The following MCM3 variants were observed in gnomAD, a reference collection of about 807,000 sequenced individuals.
MCM3 encodes the protein DNA replication licensing factor MCM3.
A neutral mutation model predicts 91.3 loss-of-function variants in MCM3; 59 were observed. That is an observed-to-expected ratio of 0.65 (90% CI 0.52 to 0.80). MCM3 has a LOEUF of 0.80. MCM3 is among the 30% of genes least tolerant of loss of function. The pLI, the probability that MCM3 is intolerant of heterozygous loss-of-function variation, is 0.00. For synonymous variants in MCM3, 383 were observed against 379.6 expected (o/e 1.01, Z -0.10); for missense variants, 919 against 1,035.4 (o/e 0.89, Z 1.54).
intron 1 of MCM3, among the ~76,000 whole-genome samples, chr6:52,283,722 T>C (rs534164494): frequency 6.6e-6 from 1 of 152,356 alleles, no homozygotes; most frequent in Non-Finnish European, 1.5e-5. Flanking sequence ...GAAGTCTAAA[T>C]GGACAGTAAG....
Position 52,267,975 on chromosome 6 carries a change from C to G in MCM3, c.1969-7G>C. On this transcript the variant is annotated splice_polypyrimidine_tract_variant and splice_region_variant and intron_variant, in intron 13 of 16. Coordinates refer to ENST00000596288, the MANE Select transcript of MCM3 (RefSeq NM_002388.6). ...TCTTCTCCTTCTCCAGAACCTAAGA[C>G]CAAGGCAAGTGTGGCTGGGCTAGAG... 6.2e-7 allele frequency: 1 copy of G among 1,614,038 alleles called. No homozygotes were observed. Among genetic ancestry groups the G allele is most frequent in the Non-Finnish European group, 8.5e-7 (1 of 1,179,946 alleles).
At position 52,272,432 on chromosome 6, in the gene MCM3, C is replaced by T; in HGVS notation, c.1696G>A (p.Ala566Thr). The T allele has an allele frequency of 6.2e-7, 1 of 1,614,152 alleles. No homozygotes were observed. Among genetic ancestry groups the T allele is most frequent in the African/African-American group, 1.3e-5 (1 of 75,050 alleles). The change falls in exon 12 of 17, where the codon GCA becomes ACA. Residue 566 changes from alanine (A) to threonine (T), a missense_variant. By Grantham distance (58) the Ala-to-Thr change is moderately conservative (BLOSUM62 0). Coordinates refer to ENST00000596288, the MANE Select transcript of MCM3 (RefSeq NM_002388.6). ...KKKKEKMVSA[A>T]FMKKYIHVAK... ...ACATGGATGTACTTCTTCATGAATG[C>T]TGCACTCACCATCTTCTCCCTGGAG...
chr6:52,266,721 G>C (rs371978850), intron 14 of MCM3, 25 bp from the exon 15 acceptor site: 2 of 1,588,470 alleles, frequency 1.3e-6, no homozygotes, highest in African/African-American at 2.7e-5. Context: ...GCAGTTAAGA[G>C]AGAGAAAGAG....
At position 52,282,041 on chromosome 6, in the gene MCM3, T is replaced by C. The variant is rs1043567924; in HGVS notation, c.531+4A>G. 2.5e-6 allele frequency: 4 copies of C among 1,613,854 alleles called. No individual in the cohort carries two copies. The African/African-American group carries it at 5.3e-5, about 22-fold the overall frequency. On this transcript the variant is annotated splice_donor_region_variant and intron_variant, in intron 4 of 16. Transcript: ENST00000596288. ...AGACAGCTCAACTGATTTATCCCCCTTACCTTGGTAGGATAGACAGAGCTG... is the reference window on the plus strand; with the variant it reads ...AGACAGCTCAACTGATTTATCCCCCCTACCTTGGTAGGATAGACAGAGCTG...
At chr6:52,277,822 A>C in intron 6 of MCM3, 134 bp from the exon 7 acceptor site, 1 of 703,420 alleles carries the variant, frequency 1.4e-6, no homozygotes, top group Non-Finnish European at 2.3e-6. Flanking sequence ...TAATCCTAGC[A>C]CTTTGGGAGG....
intron 12 of MCM3, among the ~76,000 whole-genome samples, chr6:52,269,873 G>GA (rs1764953035): frequency 6.6e-6 from 1 of 152,200 alleles, no homozygotes; most frequent in Non-Finnish European, 1.5e-5. Context: ...GGAAATGAAT[G>GA]AATCAGAAAT....
rs1483238794 is a variant in MCM3 at position 52,264,188 on chromosome 6, C to G, written c.*400G>C. ...CTCCACCAATTGGAACCACCCAAAGCCTAGTCTAGACCAAAGTGCTCTGGA... is the reference window on the plus strand; with the variant it reads ...CTCCACCAATTGGAACCACCCAAAGGCTAGTCTAGACCAAAGTGCTCTGGA... On this transcript the variant is annotated 3_prime_UTR_variant, in exon 17 of 17. Transcript: ENST00000596288. 4.8e-6 allele frequency: 1 copy of G among 208,742 alleles called. No homozygotes were observed. The highest frequency in any genetic ancestry group is 9.8e-6 in the Non-Finnish European group (1 of 101,528). The allele number at this position is 208,742 out of a possible 1,614,324, so 12.9% of individuals were successfully genotyped here. A position where few individuals can be genotyped will look rare whatever the true frequency, so the allele number is the denominator to read the frequency against.
At chr6:52,265,311 G>A (rs1205796780) in intron 16 of MCM3, 1 of 433,298 alleles carries the variant, frequency 2.3e-6, no homozygotes, top group Non-Finnish European at 4.6e-6. Flanking sequence ...CCAGCCTTTT[G>A]GGAGGCTCAG....
Position 52,273,323 on chromosome 6 carries a change from G to C in MCM3, c.1583C>G (p.Ala528Gly), listed in dbSNP as rs768135843. 1.9e-6 allele frequency: 3 copies of C among 1,614,044 alleles called. No individual in the cohort carries two copies. The African/African-American group carries it at 4.0e-5, about 22-fold the overall frequency. Residue 528 changes from alanine to glycine, a missense_variant, in exon 11 of 17, where the codon GCC (alanine) becomes GGC (glycine). Ala to Gly is a moderately conservative substitution (Grantham distance 60, BLOSUM62 0). Around this residue, in one of 3 missense-constraint regions of MCM3, gnomAD observed 233 missense variants for 321.2 expected, o/e 0.73. Coordinates refer to ENST00000596288, the MANE Select transcript of MCM3 (RefSeq NM_002388.6). ...MPLGSAVDIL[A>G]TDDPNFSQED... ...CTGGCTAAAGTTGGGATCATCTGTG[G>C]CCAGGATATCCACAGCACTACCCAA...
intron 5 of MCM3, 86 bp downstream of exon 5, chr6:52,279,275 C>T (rs568685403): frequency 2.3e-5 from 27 of 1,190,300 alleles, no homozygotes; most frequent in Non-Finnish European, 3.3e-5. Flanking sequence ...ATATAACTCT[C>T]TGGAATATGG....
At position 52,269,237 on chromosome 6, in the gene MCM3, A is replaced by C; in HGVS notation, c.1828-11T>G. 10 of 1,603,078 alleles carry C rather than the reference A, an allele frequency of 6.2e-6. No individual in the cohort carries two copies. Among genetic ancestry groups the C allele is most frequent in the Non-Finnish European group, 8.5e-6 (10 of 1,171,148 alleles). On this transcript the variant is annotated splice_polypyrimidine_tract_variant and intron_variant, in intron 12 of 16. Transcript: ENST00000596288. ...TGTAACTGGAGATGTCTAGGGAAGA[A>C]AAGGGAGGATTGCTTATCCCAAGTC...
Position 52,269,218 on chromosome 6 carries a change from T to C in MCM3, c.1836A>G (p.Pro612=). The C allele has an allele frequency of 6.2e-7, 1 of 1,610,276 alleles. No individual in the cohort carries two copies. Among genetic ancestry groups the C allele is most frequent in the East Asian group, 2.2e-5 (1 of 44,754 alleles). The change falls in exon 13 of 17, where the codon CCA becomes CCG. Residue 612 remains proline (P), a synonymous_variant. Coordinates refer to ENST00000596288, the MANE Select transcript of MCM3 (RefSeq NM_002388.6). ...SMSSDTARTS[P]VTARTLETLI... ...GAGTTTCCAGTGTTCGGGCTGTAAC[T>C]GGAGATGTCTAGGGAAGAAAAGGGA... is the stretch of plus-strand genomic sequence containing the variant.
At chr6:52,273,698 T>G (rs757498334) in intron 10 of MCM3, 44 bp downstream of exon 10, 1 of 1,564,238 alleles carries the variant, frequency 6.4e-7, no homozygotes. Flanking sequence ...ACCATCTGTT[T>G]AGCGCCTTTC....
At chr6:52,266,288 G>A (rs1764636972) in intron 15 of MCM3, 144 bp from the exon 16 acceptor site, 1 of 683,026 alleles carries the variant, frequency 1.5e-6, no homozygotes, top group Admixed American at 2.5e-5. Flanking sequence ...ATGGGGCCAG[G>A]CAGAACAATT....
rs1765644200 is a variant in MCM3 at position 52,277,145 on chromosome 6, G to A, written c.1087C>T (p.Pro363Ser). Residue 363 changes from proline (P) to serine (S), a missense_variant, in exon 8 of 17, where the codon CCC (proline) becomes TCC (serine). Around this residue, in one of 3 missense-constraint regions of MCM3, gnomAD observed 233 missense variants for 321.2 expected, o/e 0.73. Transcript: ENST00000596288. Reference protein sequence around the residue: ...QLLRYVLCTAPRAIPTTGRGS... With the variant: ...QLLRYVLCTASRAIPTTGRGS... ...CGGCCAGTGGTGGGGATAGCTCGGG[G>A]TGCAGTGCAAAGCACATACCGCAGA... 2.5e-6 allele frequency: 4 copies of A among 1,614,072 alleles called. No homozygotes were observed. The highest frequency in any genetic ancestry group is 3.4e-6 in the Non-Finnish European group (4 of 1,180,018).
At chr6:52,273,984 C>T (rs1307664436) in intron 9 of MCM3, 68 bp from the exon 10 acceptor site, 8 of 1,311,272 alleles carry the variant, frequency 6.1e-6, no homozygotes, top group African/African-American at 2.9e-5. Context: ...AAGGCTGCTG[C>T]AGTTCTGGGA....
At position 52,284,617 on chromosome 6, in the gene MCM3, G is replaced by A. The variant is rs1176198621; in HGVS notation, c.58C>T (p.Leu20=). 1 of 1,608,730 alleles carries A rather than the reference G, an allele frequency of 6.2e-7. No individual in the cohort carries two copies. Among genetic ancestry groups the A allele is most frequent in the Admixed American group, 1.7e-5 (1 of 59,486 alleles). The change falls in exon 1 of 17, where the codon CTG becomes TTG. Residue 20 remains leucine (L), a synonymous_variant. Transcript: ENST00000596288. The part of the protein sequence containing the change: ...VELREAQRDY[L]DFLDDEEDQG... ...CTCACCTCGTCGTCCAGGAAGTCCA[G>A]GTAATCTCTCTGAGCCTCCCGCAGC...
At chr6:52,276,157 T>C (rs1437695746) in intron 9 of MCM3, 111 bp downstream of exon 9, 2 of 956,686 alleles carry the variant, frequency 2.1e-6, no homozygotes, top group African/African-American at 3.3e-5. Context: ...GCCTTACTTT[T>C]AGTCTTTGGC....
intron 7 of MCM3, 81 bp downstream of exon 7, chr6:52,277,454 G>C (rs1464896854): frequency 7.2e-7 from 1 of 1,387,226 alleles, no homozygotes; most frequent in Non-Finnish European, 9.9e-7. Flanking sequence ...GCTAAGTACA[G>C]AATATACAAT....
Sources: allele counts gnomAD v4.1 joint callset (sites outside exome capture counted in the v4.1 genomes callset), GRCh38; gene constraint gnomAD v4.1.1; regional missense constraint gnomAD v4.1.1; transcripts MANE v1.5; gene names NCBI Gene and HGNC (gene_info 2026-07-23, HGNC 2026-07-21).